The following NR3C2 variants were observed in gnomAD, a reference collection of about 807,000 sequenced individuals.
NR3C2 encodes nuclear receptor subfamily 3 group C member 2.
Under a neutral mutation model 86.4 loss-of-function variants are expected in NR3C2, and 15 were observed. That is an observed-to-expected ratio of 0.17 (90% CI 0.12 to 0.27). The LOEUF is 0.27. Among genes scored for constraint, NR3C2 ranks in the 10% least tolerant of loss-of-function variants. The probability of loss-of-function intolerance (pLI) is 1.00; values close to 1 mark genes in which losing one functional copy is unlikely to be tolerated. For missense variants in NR3C2, 960 were observed against 1,195.6 expected, an observed-to-expected ratio of 0.80 and a Z score of 2.91; for synonymous variants, 458 against 450.5, an observed-to-expected ratio of 1.02 and a Z score of -0.21.
chr4:148,193,852 C>G (rs1320440908), intron 4 of NR3C2, among the ~76,000 whole-genome samples: 1 of 152,108 alleles, frequency 6.6e-6, no homozygotes, highest in Admixed American at 6.5e-5. Flanking sequence ...TAGTTAAGAG[C>G]TGGTATTCAA....
chr4:148,200,306 C>G (rs1483368629), intron 3 of NR3C2, among the ~76,000 whole-genome samples: 1 of 152,190 alleles, frequency 6.6e-6, no homozygotes, highest in African/African-American at 2.4e-5. Flanking sequence ...ATGTCTCTGA[C>G]ACTTCAATCC....
chr4:148,362,151 T>C (rs999882769), intron 2 of NR3C2, among the ~76,000 whole-genome samples: 3 of 152,222 alleles, frequency 2.0e-5, no homozygotes, highest in Non-Finnish European at 4.4e-5. Flanking sequence ...TAAAATTTAA[T>C]ATACAGATTT....
In NR3C2 at chr4:148,144,724, T is replaced by C. The variant is rs548112217; in HGVS notation, c.2510+7745A>G. Among the ~76,000 whole-genome samples, 6 of 152,318 alleles carry C rather than the reference T, an allele frequency of 3.9e-5. No homozygotes were observed. The South Asian group carries it at 1.2e-3, about 32-fold the overall frequency. ...GCCCCTTCCCCTAGAGTTCACTCTG[T>C]CTAGCCTCCTTCAGGTGGGAAGATG... is the stretch of plus-strand genomic sequence containing the variant. On this transcript the variant is annotated intron_variant, in intron 6 of 8. Transcript: ENST00000358102.
chr4:148,353,126 A>G (rs1273768224), intron 2 of NR3C2, among the ~76,000 whole-genome samples: 1 of 152,148 alleles, frequency 6.6e-6, no homozygotes, highest in Non-Finnish European at 1.5e-5. Context: ...AAGTAGACTC[A>G]ATCTCAAAAT....
At chr4:148,405,432 G>C (rs115315823) in intron 2 of NR3C2, among the ~76,000 whole-genome samples, 3,144 of 152,224 alleles carry the variant, frequency 0.021, 118 homozygotes, top group African/African-American at 0.071. Context: ...ATCACCTCTT[G>C]TTATATCCAC....
At chr4:148,151,949 A>G (rs1734121114) in intron 6 of NR3C2, among the ~76,000 whole-genome samples, 1 of 152,234 alleles carries the variant, frequency 6.6e-6, no homozygotes, top group Admixed American at 6.5e-5. Context: ...GCATCATAAA[A>G]CTAAAAATGT....
chr4:148,354,928 A>T (rs1250976034), intron 2 of NR3C2, among the ~76,000 whole-genome samples: 1 of 152,206 alleles, frequency 6.6e-6, no homozygotes, highest in Non-Finnish European at 1.5e-5. Flanking sequence ...TTAGCAATGG[A>T]AAGTAATAAG....
At chr4:148,116,649 A>G (rs1732286030) in intron 7 of NR3C2, among the ~76,000 whole-genome samples, 1 of 152,196 alleles carries the variant, frequency 6.6e-6, no homozygotes, top group Admixed American at 6.5e-5. Context: ...TAACGCCTGC[A>G]GTTTTTATGG....
intron 6 of NR3C2, among the ~76,000 whole-genome samples, chr4:148,130,831 T>TG (rs2149742546): frequency 6.9e-6 from 1 of 144,600 alleles, no homozygotes; most frequent in African/African-American, 2.6e-5. Flanking sequence ...TTTTTTTTTT[T>TG]TTTTTTTTTT....
intron 2 of NR3C2, among the ~76,000 whole-genome samples, chr4:148,291,065 C>A (rs951844131): frequency 2.0e-5 from 3 of 152,086 alleles, no homozygotes; most frequent in Admixed American, 6.6e-5. Context: ...ATTCTTATTG[C>A]AAGATGGTAC....
chr4:148,274,648 A>C (rs2149889258), intron 2 of NR3C2, among the ~76,000 whole-genome samples: 1 of 151,382 alleles, frequency 6.6e-6, no homozygotes, highest in East Asian at 2.0e-4. Flanking sequence ...CAGAACTGTG[A>C]GTAGATTAAG....
intron 4 of NR3C2, 135 bp downstream of exon 4, chr4:148,194,611 G>C: frequency 1.5e-6 from 1 of 648,836 alleles, no homozygotes; most frequent in Non-Finnish European, 2.7e-6. Context: ...GTTTTAGCAT[G>C]AAAACAGAAC....
chr4:148,357,631 C>T (rs1409999060), intron 2 of NR3C2, among the ~76,000 whole-genome samples: 2 of 152,138 alleles, frequency 1.3e-5, no homozygotes, highest in Non-Finnish European at 2.9e-5. Flanking sequence ...AAAATACCAA[C>T]ATGACAAGCT....
intron 2 of NR3C2, among the ~76,000 whole-genome samples, chr4:148,350,093 A>G (rs573256571): frequency 1.3e-4 from 20 of 152,328 alleles, no homozygotes; most frequent in African/African-American, 4.8e-4. Context: ...CTTTATGCTC[A>G]GTGCCTCATT....
intron 2 of NR3C2, among the ~76,000 whole-genome samples, chr4:148,275,988 T>C (rs1381321936): frequency 3.9e-5 from 6 of 152,168 alleles, no homozygotes; most frequent in Non-Finnish European, 7.3e-5. Context: ...TGGGATGATC[T>C]GGGTTACAAA....
chr4:148,194,846 T>C lies in NR3C2; in HGVS notation c.1914A>G (p.Leu638=). ...KRAVEGQHNY[L]CAGRNDCIID... ...TGATGCAATCATTTCTTCCAGCACATAAATAGTTGTGTTGCCCTGATTAAA... is the reference window on the plus strand; with the variant it reads ...TGATGCAATCATTTCTTCCAGCACACAAATAGTTGTGTTGCCCTGATTAAA... Residue 638 remains leucine (L), a synonymous_variant, in exon 4 of 9, where the codon TTA becomes TTG. Coordinates refer to ENST00000358102, the MANE Select transcript of NR3C2 (RefSeq NM_000901.5). The C allele has an allele frequency of 1.2e-6, 2 of 1,611,094 alleles. No individual in the cohort carries two copies. The highest frequency in any genetic ancestry group is 2.2e-5 in the South Asian group (2 of 91,038).
intron 2 of NR3C2, among the ~76,000 whole-genome samples, chr4:148,424,183 C>A (rs1180891988): frequency 6.6e-6 from 1 of 152,152 alleles, no homozygotes; most frequent in Non-Finnish European, 1.5e-5. Context: ...CAAATAAGCA[C>A]ATGAGAAGAT....
At chr4:148,122,607 G>T (rs1344619718) in intron 6 of NR3C2, among the ~76,000 whole-genome samples, 1 of 151,868 alleles carries the variant, frequency 6.6e-6, no homozygotes, top group Non-Finnish European at 1.5e-5. Flanking sequence ...CCTTTCATTG[G>T]ATTGACCTAG....
At chr4:148,311,832 A>G (rs965016853) in intron 2 of NR3C2, among the ~76,000 whole-genome samples, 1 of 152,194 alleles carries the variant, frequency 6.6e-6, no homozygotes, top group African/African-American at 2.4e-5. Context: ...ATGTGCCAAG[A>G]TACTCCTGCT....
Sources: allele counts gnomAD v4.1 joint callset (sites outside exome capture counted in the v4.1 genomes callset), GRCh38; gene constraint gnomAD v4.1.1; transcripts MANE v1.5; gene names NCBI Gene and HGNC (gene_info 2026-07-23, HGNC 2026-07-21).